Variants in MSH5 observed in about 807,000 individuals in gnomAD.
The protein encoded by MSH5 is mutS homolog 5, also known as mutS protein homolog 5.
MSH5 carries 78 observed loss-of-function variants against 107.7 expected under a neutral mutation model. The observed-to-expected ratio is 0.72, with a 90% CI of 0.60 to 0.87. The LOEUF (loss-of-function observed/expected upper bound fraction) is 0.87. Among genes scored for constraint, MSH5 ranks in the 40% least tolerant of loss-of-function variants. MSH5 has a pLI of 0.00. For missense variants in MSH5, 889 were observed against 1,046.6 expected, an observed-to-expected ratio of 0.85 and a Z score of 2.08; for synonymous variants, 326 against 399.5, an observed-to-expected ratio of 0.82 and a Z score of 2.19.
At chr6:31,742,765 A>C in intron 3 of MSH5, 112 bp from the exon 4 acceptor site, 1 of 988,492 alleles carries the variant, frequency 1.0e-6, no homozygotes, top group Non-Finnish European at 1.6e-6. Context: ...CCCTACTCCT[A>C]GGGAGGAAAT....
At position 31,762,449 on chromosome 6, in the gene MSH5, A is replaced by C; in HGVS notation, c.2423A>C (p.Lys808Thr). Residue 808 changes from lysine (K) to threonine (T), a missense_variant, in exon 25 of 25, where the codon AAA becomes ACA. Coordinates refer to ENST00000375750, the MANE Select transcript of MSH5 (RefSeq NM_172166.4). ...NCQTLVDKFM[K>T]LDLEDPNLDL... Reference sequence around the variant, plus strand: ...CAGACATTAGTGGATAAGTTTATGAAACTGGATTTGGAAGATCCTAACCTG... The same window carrying C: ...CAGACATTAGTGGATAAGTTTATGACACTGGATTTGGAAGATCCTAACCTG... 1.2e-6 allele frequency: 2 copies of C among 1,613,954 alleles called. No homozygotes were observed. The highest frequency in any genetic ancestry group is 2.2e-5 in the South Asian group (2 of 91,050).
intron 12 of MSH5, among the ~76,000 whole-genome samples, chr6:31,756,433 A>G (rs1021445651): frequency 2.0e-5 from 3 of 151,944 alleles, no homozygotes; most frequent in Non-Finnish European, 4.4e-5. Flanking sequence ...CAGCCTCCCA[A>G]AGTGCTGGGA....
chr6:31,748,659 A>G (rs116043458), intron 10 of MSH5, among the ~76,000 whole-genome samples: 2,448 of 151,984 alleles, frequency 0.016, 23 homozygotes, highest in Non-Finnish European at 0.027. Flanking sequence ...CACTTTTTAA[A>G]TAGCCTAAGT....
chr6:31,759,268 TG>T lies in MSH5; in HGVS notation c.1407+94del. The T allele has an allele frequency of 7.3e-7, 1 of 1,375,228 alleles. No individual in the cohort carries two copies. Among genetic ancestry groups the T allele is most frequent in the Non-Finnish European group, 1.0e-6 (1 of 964,554 alleles). 85.2% of individuals were successfully genotyped at this position (1,375,228 alleles called of 1,614,324 possible). On this transcript the variant is annotated intron_variant, in intron 16 of 24. Coordinates refer to ENST00000375750, the MANE Select transcript of MSH5 (RefSeq NM_172166.4). The surrounding 1 kb of genome is among the most constrained non-coding windows in gnomAD (Gnocchi z 4.7). ...TACTCTACAGCAGCACTGCCCAATA[TG>T]GGATCTCTCCTCTGTAGTTTTACTC...
rs1195458962 is a variant in MSH5 at position 31,744,598 on chromosome 6, A to G, written c.683+17A>G. ...CACTTACAGGTAAAGAGGTGGAGGCATGCTGCTGTCTCTGGGGAGGGAGAA... is the reference window on the plus strand; with the variant it reads ...CACTTACAGGTAAAGAGGTGGAGGCGTGCTGCTGTCTCTGGGGAGGGAGAA... On this transcript the variant is annotated intron_variant, in intron 8 of 24. Coordinates refer to ENST00000375750, the MANE Select transcript of MSH5 (RefSeq NM_172166.4). 5.6e-6 allele frequency: 9 copies of G among 1,612,914 alleles called. No homozygotes were observed. Among genetic ancestry groups the G allele is most frequent in the South Asian group, 1.1e-5 (1 of 91,088 alleles).
intron 10 of MSH5, among the ~76,000 whole-genome samples, chr6:31,748,899 T>C (rs994840541): frequency 6.8e-6 from 1 of 146,972 alleles, no homozygotes; most frequent in Non-Finnish European, 1.5e-5. Context: ...GTGTTTATGC[T>C]GCTCCTTCTG....
Position 31,760,976 on chromosome 6 carries a change from TAAG to T in MSH5, c.1962+143_1962+145del, listed in dbSNP as rs1388490592. On this transcript the variant is annotated intron_variant, in intron 20 of 24. Transcript: ENST00000375750. The surrounding 1 kb of genome is among the most constrained non-coding windows in gnomAD (Gnocchi z 5.6). ...AAGTGGGGAGCACTAAGGTCAGAGA[TAAG>T]AAGAATCAATACCATAAACATTTCT... The T allele has an allele frequency of 8.9e-6, 10 of 1,129,934 alleles. No homozygotes were observed. The highest frequency in any genetic ancestry group is 6.4e-5 in the South Asian group (4 of 62,830). The allele number at this position is 1,129,934 out of a possible 1,614,324, so 70.0% of individuals were successfully genotyped here.
At chr6:31,753,115 A>G (rs1028791978) in intron 10 of MSH5, among the ~76,000 whole-genome samples, 186 bp from the exon 11 acceptor site, 1 of 152,184 alleles carries the variant, frequency 6.6e-6, no homozygotes, top group African/African-American at 2.4e-5. Context: ...ACATCTAGCA[A>G]TTTTCAGTAG....
At chr6:31,754,753 C>CTTTTTTT (rs71552080) in intron 12 of MSH5, among the ~76,000 whole-genome samples, 41 of 135,336 alleles carry the variant, frequency 3.0e-4, no homozygotes, top group Non-Finnish European at 4.4e-4. Flanking sequence ...TTTCTTTTTT[C>CTTTTTTT]TTTTTTTTTT....
Position 31,741,218 on chromosome 6 carries a change from C to G in MSH5, c.203C>G (p.Thr68Ser). The G allele has an allele frequency of 6.2e-7, 1 of 1,612,944 alleles. No individual in the cohort carries two copies. Among genetic ancestry groups the G allele is most frequent in the East Asian group, 2.2e-5 (1 of 44,888 alleles). ...TACTTGGGCATTGCCTACTATGATACTAGTGACTCCACTATCCACTTCATG... is the reference window on the plus strand; with the variant it reads ...TACTTGGGCATTGCCTACTATGATAGTAGTGACTCCACTATCCACTTCATG... Reference protein sequence around the residue: ...SGYLGIAYYDTSDSTIHFMPD... With the variant: ...SGYLGIAYYDSSDSTIHFMPD... Residue 68 changes from threonine to serine, a missense_variant, in exon 3 of 25, where the codon ACT becomes AGT. This residue lies in a region of MSH5 where 518 missense variants were observed against 565.0 expected (regional missense o/e 0.92). Coordinates refer to ENST00000375750, the MANE Select transcript of MSH5 (RefSeq NM_172166.4).
At chr6:31,744,062 G>A in intron 6 of MSH5, 37 bp downstream of exon 6, 3 of 1,612,322 alleles carry the variant, frequency 1.9e-6, no homozygotes, top group Non-Finnish European at 2.5e-6. Flanking sequence ...CTGGGAGGCG[G>A]CACAAGTGCT....
chr6:31,753,426 T>A lies in MSH5; in HGVS notation c.938T>A (p.Ile313Asn). Residue 313 changes from isoleucine (I) to asparagine (N), a missense_variant, in exon 11 of 25, where the codon ATC (isoleucine) becomes AAC (asparagine). Transcript: ENST00000375750. Reference protein sequence around the residue: ...AQMLHRLLGHIKNVPLILKRM... With the variant: ...AQMLHRLLGHNKNVPLILKRM... ...ATGCTGCATCGGCTCCTGGGTCACA[T>A]CAAGAACGTGCCTGTGAGCCCAGGG... The A allele has an allele frequency of 6.2e-7, 1 of 1,613,866 alleles. No individual in the cohort carries two copies. The highest frequency in any genetic ancestry group is 1.7e-5 in the Admixed American group (1 of 60,006).
At position 31,760,606 on chromosome 6, in the gene MSH5, T is replaced by G; in HGVS notation, c.1813-84T>G. 1.3e-6 allele frequency: 2 copies of G among 1,552,028 alleles called. No individual in the cohort carries two copies. The highest frequency in any genetic ancestry group is 1.8e-6 in the Non-Finnish European group (2 of 1,126,940). On this transcript the variant is annotated intron_variant, in intron 19 of 24. Coordinates refer to ENST00000375750, the MANE Select transcript of MSH5 (RefSeq NM_172166.4). This position sits in a 1 kb window ranked among gnomAD's most constrained non-coding sequence, Gnocchi z 5.6. ...CCTGTTTCACCCTGTCCATTTCTCT[T>G]TGATGTGCCATTCATGCCTTGAGCC...
At position 31,761,581 on chromosome 6, in the gene MSH5, A is replaced by G; in HGVS notation, c.2147A>G (p.Gln716Arg). 1 of 1,614,012 alleles carries G rather than the reference A, an allele frequency of 6.2e-7. No individual in the cohort carries two copies. The highest frequency in any genetic ancestry group is 8.5e-7 in the Non-Finnish European group (1 of 1,180,024). ...AACTTTCTGAGCCTTGTTCAGCTAC[A>G]ACTGCTGCCACAAGGGCCCCTGGTG... ...ATNFLSLVQLQLLPQGPLVQY... is the reference protein window; with the variant it reads ...ATNFLSLVQLRLLPQGPLVQY... The change falls in exon 22 of 25, where the codon CAA becomes CGA. Residue 716 changes from glutamine to arginine, a missense_variant. Gln to Arg is a conservative substitution (Grantham distance 43). This residue lies in a region of MSH5 where 362 missense variants were observed against 456.2 expected (regional missense o/e 0.79). Coordinates refer to ENST00000375750, the MANE Select transcript of MSH5 (RefSeq NM_172166.4). The surrounding 1 kb of genome is among the most constrained non-coding windows in gnomAD (Gnocchi z 5.3).
intron 10 of MSH5, among the ~76,000 whole-genome samples, chr6:31,747,933 G>T (rs1046725110): frequency 6.6e-6 from 1 of 151,770 alleles, no homozygotes; most frequent in Non-Finnish European, 1.5e-5. Context: ...GAACCCAGGA[G>T]GTGGAGGTTG....
chr6:31,741,083 GATTAA>G (rs1808825094), intron 2 of MSH5, 75 bp from the exon 3 acceptor site: 8 of 1,527,876 alleles, frequency 5.2e-6, no homozygotes, highest in African/African-American at 2.8e-5. Flanking sequence ...TTGAGAAAAT[GATTAA>G]ATTATATAAG....
Position 31,753,626 on chromosome 6 carries a change from C to T in MSH5, c.1011C>T (p.Tyr337=). 1.9e-6 allele frequency: 3 copies of T among 1,614,096 alleles called. No homozygotes were observed. Among genetic ancestry groups the T allele is most frequent in the African/African-American group, 1.3e-5 (1 of 75,036 alleles). Residue 337 remains tyrosine, a synonymous_variant, in exon 12 of 25, where the codon TAC becomes TAT. Transcript: ENST00000375750. The stretch of plus-strand genomic sequence containing the variant: ...AGGTCAGCGACTGGCAGGTTCTCTA[C>T]AAGGTAAGGCCTTCCTTCTTGAATC... ...HTKVSDWQVL[Y]KTVYSALGLR...
Position 31,761,906 on chromosome 6 carries a change from C to T in MSH5, c.2270C>T (p.Thr757Ile). 2 of 1,613,564 alleles carry T rather than the reference C, an allele frequency of 1.2e-6. No homozygotes were observed. The highest frequency in any genetic ancestry group is 1.7e-6 in the Non-Finnish European group (2 of 1,180,002). ...GCGAAGGCCAGCCATGCCTCCCACA[C>T]AGCTGCCCAGGCTGGGCTTCCTGAC... Reference protein sequence around the residue: ...GVAKASHASHTAAQAGLPDKL... With the variant: ...GVAKASHASHIAAQAGLPDKL... The change falls in exon 23 of 25, where the codon ACA becomes ATA. Residue 757 changes from threonine (T) to isoleucine (I), a missense_variant. By Grantham distance (89) the Thr-to-Ile change is moderately conservative (BLOSUM62 -1). Transcript: ENST00000375750. The surrounding 1 kb of genome is among the most constrained non-coding windows in gnomAD (Gnocchi z 5.3).
chr6:31,760,251 T>C lies in MSH5; in HGVS notation c.1812+35T>C. 6.5e-7 allele frequency: 1 copy of C among 1,536,502 alleles called. No homozygotes were observed. Among genetic ancestry groups the C allele is most frequent in the Non-Finnish European group, 8.7e-7 (1 of 1,144,836 alleles). On this transcript the variant is annotated intron_variant, in intron 19 of 24. Coordinates refer to ENST00000375750, the MANE Select transcript of MSH5 (RefSeq NM_172166.4). This position sits in a 1 kb window ranked among gnomAD's most constrained non-coding sequence, Gnocchi z 5.6. ...AGCCCTGCAGCCTGGGCCTCTGGCGTCTCCTGCATCTACTCCACCCCTACT... is the reference window on the plus strand; with the variant it reads ...AGCCCTGCAGCCTGGGCCTCTGGCGCCTCCTGCATCTACTCCACCCCTACT...
Sources: gnomAD v4.1 joint callset for allele counts (sites outside exome capture counted in the v4.1 genomes callset) on GRCh38, gnomAD v4.1.1 for gene constraint, gnomAD v4.1.1 regional missense constraint, Gnocchi (gnomAD v3.1) non-coding constraint, MANE v1.5 for transcripts, NCBI Gene and HGNC (gene_info 2026-07-23, HGNC 2026-07-21) for gene names.